The following CFAP54 variants were observed in gnomAD, a reference collection of about 807,000 sequenced individuals.
CFAP54 encodes cilia and flagella associated protein 54, also known as cilia- and flagella-associated protein 54.
A neutral mutation model predicts 370.4 loss-of-function variants in CFAP54; 290 were observed. That is an observed-to-expected ratio of 0.78 (90% CI 0.71 to 0.86). The LOEUF is 0.86. Among genes scored for constraint, CFAP54 ranks in the 40% least tolerant of loss-of-function variants. CFAP54 has a pLI of 0.00. For synonymous variants in CFAP54, 1,206 were observed against 1,236.5 expected, an observed-to-expected ratio of 0.98 and a Z score of 0.52; for missense variants, 3,399 against 3,528.7, an observed-to-expected ratio of 0.96 and a Z score of 0.93.
intron 66 of CFAP54, among the ~76,000 whole-genome samples, chr12:96,831,482 A>G (rs577868666): frequency 3.7e-4 from 56 of 152,320 alleles, no homozygotes; most frequent in Non-Finnish European, 6.5e-4. Context: ...AGAGTTGGGT[A>G]ATTTTGGCAG....
intron 13 of CFAP54, 125 bp downstream of exon 13, chr12:96,538,643 C>T (rs1955535722): frequency 1.1e-6 from 1 of 878,292 alleles, no homozygotes; most frequent in South Asian, 1.8e-5. Context: ...TGCATATATA[C>T]ATATATAAAG....
chr12:96,681,370 CTTTT>C (rs202097088), intron 40 of CFAP54, among the ~76,000 whole-genome samples: 42 of 134,804 alleles, frequency 3.1e-4, no homozygotes, highest in Non-Finnish European at 3.7e-4. Flanking sequence ...AAGGTTTTTC[CTTTT>C]TTTTTTTTTT....
rs115613466 is a variant in CFAP54 at position 96,669,715 on chromosome 12, C to G, written c.5563+5783C>G. Reference sequence around the variant, plus strand: ...GAAAAGGTCGCTTTGGAATTACTTGCTTGGATTTAGTTCATCCAAACTTGG... The same window carrying G: ...GAAAAGGTCGCTTTGGAATTACTTGGTTGGATTTAGTTCATCCAAACTTGG... On this transcript the variant is annotated intron_variant, in intron 39 of 67. Transcript: ENST00000524981. 2.4e-3 allele frequency among the ~76,000 whole-genome samples: 361 copies of G among 152,236 alleles called. 1 individual carries two copies. The highest frequency in any genetic ancestry group is 8.1e-3 in the African/African-American group (335 of 41,534).
intron 65 of CFAP54, among the ~76,000 whole-genome samples, chr12:96,821,881 CTATTT>C (rs1959039658): frequency 1.3e-5 from 2 of 152,004 alleles, no homozygotes; most frequent in Non-Finnish European, 2.9e-5. Flanking sequence ...CTTCCATAAT[CTATTT>C]ATTTCTATTA....
chr12:96,866,149 G>A (rs1960001222), intron 67 of CFAP54, among the ~76,000 whole-genome samples: 1 of 151,962 alleles, frequency 6.6e-6, no homozygotes, highest in Non-Finnish European at 1.5e-5. Context: ...TAAGAAAGAA[G>A]TTTCTCTTTA....
intron 63 of CFAP54, among the ~76,000 whole-genome samples, chr12:96,810,205 G>A (rs1331835492): frequency 1.3e-5 from 2 of 152,026 alleles, no homozygotes; most frequent in Admixed American, 1.3e-4. Flanking sequence ...AGTCATGCTT[G>A]TTGTTGGCAA....
intron 63 of CFAP54, among the ~76,000 whole-genome samples, chr12:96,799,501 G>A (rs1958800625): frequency 6.6e-6 from 1 of 152,076 alleles, no homozygotes; most frequent in Non-Finnish European, 1.5e-5. Context: ...GAAACCTCCT[G>A]GGCCTGCCTC....
At chr12:96,731,020 G>C (rs1164518818) in intron 50 of CFAP54, among the ~76,000 whole-genome samples, 4 of 152,178 alleles carry the variant, frequency 2.6e-5, no homozygotes, top group Non-Finnish European at 5.9e-5. Flanking sequence ...GGGCATGGGG[G>C]TGTACATGAG....
chr12:96,724,650 C>G (rs1399559147), intron 50 of CFAP54, among the ~76,000 whole-genome samples: 1 of 152,042 alleles, frequency 6.6e-6, no homozygotes, highest in Non-Finnish European at 1.5e-5. Context: ...ATGGTAGTTT[C>G]TTTTGCTGTG....
intron 50 of CFAP54, among the ~76,000 whole-genome samples, chr12:96,736,030 T>A (rs1365620124): frequency 1.3e-5 from 2 of 152,138 alleles, no homozygotes; most frequent in Non-Finnish European, 2.9e-5. Flanking sequence ...TGTAAAATAG[T>A]TGAAACATAC....
intron 66 of CFAP54, among the ~76,000 whole-genome samples, chr12:96,840,045 C>T (rs1415036692): frequency 6.6e-6 from 1 of 152,224 alleles, no homozygotes; most frequent in African/African-American, 2.4e-5. Flanking sequence ...TGGACGTAGA[C>T]TCTACTCCTT....
chr12:96,608,264 G>A (rs1215833555), intron 26 of CFAP54, among the ~76,000 whole-genome samples: 1 of 151,604 alleles, frequency 6.6e-6, no homozygotes, highest in African/African-American at 2.4e-5. Flanking sequence ...AGCAGGTAAA[G>A]ATTTTTGGTG....
chr12:96,584,063 T>C (rs1319052550), intron 22 of CFAP54, among the ~76,000 whole-genome samples: 1 of 152,160 alleles, frequency 6.6e-6, no homozygotes, highest in Non-Finnish European at 1.5e-5. Flanking sequence ...GAAATGAAGT[T>C]CACACGACTC....
intron 20 of CFAP54, 139 bp downstream of exon 20, chr12:96,576,900 G>C (rs1955984367): frequency 1.4e-6 from 1 of 709,574 alleles, no homozygotes; most frequent in South Asian, 2.2e-5. Context: ...ATATTCCAAT[G>C]TCTTATCTAT....
chr12:96,838,031 C>A (rs919905589), intron 66 of CFAP54, among the ~76,000 whole-genome samples: 5 of 152,144 alleles, frequency 3.3e-5, no homozygotes, highest in Non-Finnish European at 7.3e-5. Flanking sequence ...TTAGTGGGTG[C>A]TCTTATGGCC....
chr12:96,836,620 G>A (rs74934114), intron 66 of CFAP54, among the ~76,000 whole-genome samples: 6 of 152,154 alleles, frequency 3.9e-5, no homozygotes, highest in Non-Finnish European at 5.9e-5. Flanking sequence ...TCACTACAGC[G>A]TAATATCTCC....
chr12:96,757,343 G>T, intron 57 of CFAP54, 152 bp from the exon 58 acceptor site: 1 of 443,050 alleles, frequency 2.3e-6, no homozygotes, highest in South Asian at 4.5e-5. Flanking sequence ...AGTATCTATG[G>T]TCAAAAGTGC....
Position 96,727,838 on chromosome 12 carries a change from T to C in CFAP54, c.6965+7273T>C, listed in dbSNP as rs373425694. ...ACCGGTTGTTCCTTTCCATGTTTAG[T>C]GCTTCCTTCAGGAGCTCTTTTAGGG... On this transcript the variant is annotated intron_variant, in intron 50 of 67. Coordinates refer to ENST00000524981, the MANE Select transcript of CFAP54 (RefSeq NM_001306084.2). Among the ~76,000 whole-genome samples the C allele has an allele frequency of 2.1e-3, 326 of 151,962 alleles. 1 individual carries two copies. Among genetic ancestry groups the C allele is most frequent in the African/African-American group, 7.1e-3 (292 of 41,396 alleles).
intron 60 of CFAP54, among the ~76,000 whole-genome samples, chr12:96,771,007 A>G (rs911576620): frequency 1.1e-4 from 16 of 152,368 alleles, no homozygotes; most frequent in African/African-American, 3.6e-4. Context: ...ATCCAAACAC[A>G]TTAACAGTGG....
Sources: gnomAD v4.1 joint callset for allele counts (sites outside exome capture counted in the v4.1 genomes callset) on GRCh38, gnomAD v4.1.1 for gene constraint, MANE v1.5 for transcripts, NCBI Gene and HGNC (gene_info 2026-07-23, HGNC 2026-07-21) for gene names.